Variants in TRPM3 observed in about 807,000 individuals in gnomAD.
The protein encoded by TRPM3 is long transient receptor potential channel 3.
In TRPM3, 77 loss-of-function variants were observed where a neutral mutation model predicts 181.2. The ratio of observed to expected loss-of-function variants is 0.42; its 90% confidence interval spans 0.35 to 0.51. The LOEUF (loss-of-function observed/expected upper bound fraction) is 0.51, where lower values mean the gene tolerates loss of function less well. Among genes scored for constraint, TRPM3 ranks in the 20% least tolerant of loss-of-function variants. The pLI, the probability that TRPM3 is intolerant of heterozygous loss-of-function variation, is 0.01. For missense variants in TRPM3, 1,759 were observed against 2,196.7 expected (o/e 0.80, Z 3.98); for synonymous variants, 745 against 796.4 (o/e 0.94, Z 1.09).
intron 1 of TRPM3, among the ~76,000 whole-genome samples, chr9:71,152,602 G>T (rs2075790051): frequency 6.6e-6 from 1 of 152,064 alleles, no homozygotes; most frequent in Admixed American, 6.6e-5. Flanking sequence ...GAGATAGTCT[G>T]TCCTCGTACG....
At chr9:71,299,387 C>T (rs981612627) in intron 1 of TRPM3, among the ~76,000 whole-genome samples, 1 of 152,094 alleles carries the variant, frequency 6.6e-6, no homozygotes. Flanking sequence ...TAACAACTCT[C>T]CTACTATATC....
At chr9:71,029,890 T>C (rs1034856042) in intron 1 of TRPM3, among the ~76,000 whole-genome samples, 102 of 152,292 alleles carry the variant, frequency 6.7e-4, no homozygotes, top group African/African-American at 2.4e-3. Flanking sequence ...ATTGCTTTGG[T>C]GGACTGCTCA....
At chr9:70,981,010 T>A (rs2097358490) in intron 1 of TRPM3, among the ~76,000 whole-genome samples, 1 of 152,202 alleles carries the variant, frequency 6.6e-6, no homozygotes, top group Non-Finnish European at 1.5e-5. Context: ...CACACAAACA[T>A]ACAAGAACGT....
At chr9:71,207,837 T>C (rs1359903332) in intron 1 of TRPM3, among the ~76,000 whole-genome samples, 2 of 152,194 alleles carry the variant, frequency 1.3e-5, no homozygotes, top group Non-Finnish European at 2.9e-5. Context: ...TATATTTCAA[T>C]CTCTTTTACT....
chr9:71,137,285 C>T (rs1017702683), intron 1 of TRPM3, among the ~76,000 whole-genome samples: 2 of 152,158 alleles, frequency 1.3e-5, no homozygotes, highest in Non-Finnish European at 1.5e-5. Flanking sequence ...ATGACCTCAA[C>T]CTAAGGCAAA....
chr9:70,979,930 AT>A (rs2097346621), intron 1 of TRPM3, among the ~76,000 whole-genome samples: 1 of 151,890 alleles, frequency 6.6e-6, no homozygotes, highest in African/African-American at 2.4e-5. Context: ...CCCCATGCTT[AT>A]GCTTATGACC....
upstream of TRPM3, among the ~76,000 whole-genome samples, chr9:71,122,424 G>A (rs768961498): frequency 1.6e-4 from 25 of 152,160 alleles, no homozygotes; most frequent in Non-Finnish European, 3.4e-4. Flanking sequence ...ACCCCCCTTC[G>A]GCTCCCATGT....
Position 70,534,736 on chromosome 9 carries a change from T to C in TRPM3, c.*1217A>G, listed in dbSNP as rs963659741. On this transcript the variant is annotated 3_prime_UTR_variant, in exon 26 of 26. Coordinates refer to ENST00000677713, the MANE Select transcript of TRPM3 (RefSeq NM_001366145.2). The stretch of plus-strand genomic sequence containing the variant: ...TTTGAAACTTCCTTAAAAAGTACTT[T>C]GGAACATTTCCATAGAAAAGATACC... 6.6e-6 allele frequency: 1 copy of C among 152,252 alleles called. No individual in the cohort carries two copies. The highest frequency in any genetic ancestry group is 2.4e-5 in the African/African-American group (1 of 41,472). 9.4% of individuals were successfully genotyped at this position (152,252 alleles called of 1,614,324 possible).
chr9:71,055,968 T>C (rs2060609642), intron 1 of TRPM3, among the ~76,000 whole-genome samples: 7 of 152,028 alleles, frequency 4.6e-5, no homozygotes, highest in Admixed American at 3.3e-4. Flanking sequence ...ATTGGGCACC[T>C]GCTATATATC....
At chr9:70,640,845 T>C (rs1156845775) in intron 9 of TRPM3, among the ~76,000 whole-genome samples, 185 bp from the exon 10 acceptor site, 1 of 152,198 alleles carries the variant, frequency 6.6e-6, no homozygotes, top group East Asian at 1.9e-4. Context: ...GTCACAGGGC[T>C]CTCCTGTATA....
chr9:70,681,631 A>G, intron 8 of TRPM3, 53 bp from the exon 9 acceptor site: 1 of 1,469,728 alleles, frequency 6.8e-7, no homozygotes, highest in Non-Finnish European at 9.5e-7. Context: ...CCCAAGAGAA[A>G]TTAAATCAAT....
At chr9:71,168,232 G>T (rs910093481) in intron 1 of TRPM3, among the ~76,000 whole-genome samples, 5 of 152,092 alleles carry the variant, frequency 3.3e-5, no homozygotes, top group African/African-American at 1.2e-4. Flanking sequence ...ATGCACAACT[G>T]GAATGACTTT....
intron 1 of TRPM3, among the ~76,000 whole-genome samples, chr9:71,288,846 G>A (rs796343421): frequency 6.6e-6 from 1 of 152,096 alleles, no homozygotes; most frequent in Admixed American, 6.6e-5. Context: ...GCTCCCAATG[G>A]TTGAGCTACA....
chr9:70,761,278 A>G (rs2078079881), intron 8 of TRPM3: 2 of 600,020 alleles, frequency 3.3e-6, no homozygotes, highest in Admixed American at 6.0e-5. Flanking sequence ...TCCGAAACCT[A>G]AGAAGATCAA....
rs1323318561 is a variant in TRPM3, at chr9:70,536,220, T to C, written c.4893A>G (p.Ser1631=). 3 of 1,614,114 alleles carry C rather than the reference T, an allele frequency of 1.9e-6. No individual in the cohort carries two copies. The highest frequency in any genetic ancestry group is 1.7e-5 in the Admixed American group (1 of 60,014). ...TGATGTTGTTGGACAGGGTTCTCTCTGAGTTATCACCCTCCTGGGAGGATA... is the reference window on the plus strand; with the variant it reads ...TGATGTTGTTGGACAGGGTTCTCTCCGAGTTATCACCCTCCTGGGAGGATA... The part of the protein sequence containing the change: ...IAISSQEGDN[S]ERTLSNNITV... The change falls in exon 26 of 26, where the codon TCA becomes TCG. Residue 1631 remains serine (S), a synonymous_variant. Transcript: ENST00000677713.
In TRPM3 at chr9:70,864,522, A is replaced by G; in HGVS notation, c.178-11T>C. The G allele has an allele frequency of 6.9e-7, 1 of 1,442,694 alleles. No homozygotes were observed. The highest frequency in any genetic ancestry group is 9.1e-7 in the Non-Finnish European group (1 of 1,101,204). 89.4% of individuals were successfully genotyped at this position (1,442,694 alleles called of 1,614,324 possible). ...CCAGGATTTCTGAGCCTGAAAAAGA[A>G]AACAAAAAAAAAAAAAAAAGAAAAA... is the stretch of plus-strand genomic sequence containing the variant. On this transcript the variant is annotated splice_polypyrimidine_tract_variant and intron_variant, in intron 1 of 25. Transcript: ENST00000677713.
intron 1 of TRPM3, among the ~76,000 whole-genome samples, chr9:70,914,980 G>A (rs1055302579): frequency 6.6e-6 from 1 of 152,108 alleles, no homozygotes; most frequent in Non-Finnish European, 1.5e-5. Flanking sequence ...TCCCAAAAAG[G>A]ATGGGTACAA....
chr9:70,663,468 C>T (rs1379444514), intron 9 of TRPM3, among the ~76,000 whole-genome samples: 4 of 152,160 alleles, frequency 2.6e-5, no homozygotes, highest in Admixed American at 2.6e-4. Flanking sequence ...ACCATACCCT[C>T]ACTATAGTGG....
intron 6 of TRPM3, among the ~76,000 whole-genome samples, chr9:70,796,308 A>G (rs2087013625): frequency 6.6e-6 from 1 of 152,228 alleles, no homozygotes; most frequent in Non-Finnish European, 1.5e-5. Context: ...CGAGCTAGGC[A>G]GGAAGGTGGA....
Sources: gnomAD v4.1 joint callset for allele counts (sites outside exome capture counted in the v4.1 genomes callset) on GRCh38, gnomAD v4.1.1 for gene constraint, MANE v1.5 for transcripts, NCBI Gene and HGNC (gene_info 2026-07-23, HGNC 2026-07-21) for gene names.